INTS6L: variants seen among roughly 807,000 people sequenced by gnomAD.
INTS6L encodes the protein integrator complex subunit 6-like.
INTS6L carries 18 observed loss-of-function variants against 64.7 expected under a neutral mutation model. The ratio of observed to expected loss-of-function variants is 0.28; its 90% confidence interval spans 0.19 to 0.41. The LOEUF is 0.41. INTS6L is among the 10% of genes least tolerant of loss of function. The pLI, the probability that INTS6L is intolerant of heterozygous loss-of-function variation, is 1.00. For missense variants in INTS6L, 533 were observed against 661.0 expected (o/e 0.81, Z 2.12); for synonymous variants, 227 against 235.9 (o/e 0.96, Z 0.34).
intron 15 of INTS6L, among the ~76,000 whole-genome samples, chrX:135,577,876 A>C (rs1353376108): frequency 3.6e-5 from 4 of 111,711 alleles, no homozygotes; most frequent in African/African-American, 1.3e-4. Flanking sequence ...TGCATGCTCT[A>C]ATCCGGTGCA....
chrX:135,531,762 G>T (rs1556505495), intron 2 of INTS6L, among the ~76,000 whole-genome samples: 1 of 111,361 alleles, frequency 9.0e-6, no homozygotes, highest in African/African-American at 3.3e-5. Context: ...TCCACGTGTC[G>T]GTAAAAACTT....
At chrX:135,573,522 C>T (rs958056093) in intron 12 of INTS6L, among the ~76,000 whole-genome samples, 3 of 112,683 alleles carry the variant, frequency 2.7e-5, no homozygotes, top group African/African-American at 9.7e-5. Flanking sequence ...AGTGCTGCAG[C>T]GGATCCCTAT....
In INTS6L at chrX:135,521,051, T is replaced by C; in HGVS notation, c.59T>C (p.Leu20Pro). The part of the protein sequence containing the change: ...TSASMNQRTD[L>P]GTSYLDIAKG... ...GCCTCTATGAACCAGCGCACTGACC[T>C]GGGCACCTCTTATTTGGACATTGCC... Residue 20 changes from leucine to proline, a missense_variant, in exon 1 of 18, where the codon CTG becomes CCG. Coordinates refer to ENST00000639893, the MANE Select transcript of INTS6L (RefSeq NM_001351601.3). The C allele has an allele frequency of 8.3e-7, 1 of 1,211,414 alleles. No homozygotes were observed. The highest frequency in any genetic ancestry group is 1.1e-6 in the Non-Finnish European group (1 of 895,409).
chrX:135,542,224 G>A (rs1016839843), intron 2 of INTS6L, among the ~76,000 whole-genome samples: 2 of 111,814 alleles, frequency 1.8e-5, no homozygotes, highest in Middle Eastern at 4.6e-3. Flanking sequence ...TGGGCCGGGC[G>A]CAGTGGCTCA....
intron 9 of INTS6L, among the ~76,000 whole-genome samples, chrX:135,562,494 T>G (rs934988489): frequency 1.3e-4 from 15 of 112,192 alleles, no homozygotes; most frequent in Middle Eastern, 9.1e-3. Context: ...TGGTAGGATA[T>G]TCTACAAGTG....
chrX:135,531,154 A>G (rs1364244712), intron 2 of INTS6L, among the ~76,000 whole-genome samples: 1 of 112,575 alleles, frequency 8.9e-6, no homozygotes, highest in East Asian at 2.8e-4. Context: ...ACTTGGGCAA[A>G]GTTACTAATA....
At position 135,556,306 on chromosome X, in the gene INTS6L, TA is replaced by T; in HGVS notation, c.1192+10del. On this transcript the variant is annotated splice_region_variant and intron_variant, in intron 9 of 17. Coordinates refer to ENST00000639893, the MANE Select transcript of INTS6L (RefSeq NM_001351601.3). ...AGTTTTACTTCCTCTTTTAGGTAAG[TA>T]AAACATGTGCCACTGAATCATCTTT... 8.7e-7 allele frequency: 1 copy of T among 1,150,238 alleles called. No homozygotes were observed. The highest frequency in any genetic ancestry group is 3.2e-5 in the East Asian group (1 of 31,594). 94.8% of individuals were successfully genotyped at this position (1,150,238 alleles called of 1,213,427 possible).
chrX:135,579,651 G>T, intron 15 of INTS6L, 137 bp from the exon 16 acceptor site: 4 of 866,524 alleles, frequency 4.6e-6, no homozygotes, highest in Non-Finnish European at 6.3e-6. Flanking sequence ...CTCAATTTGA[G>T]GGGTCTCAGA....
Position 135,569,389 on chromosome X carries a change from T to G in INTS6L, c.1245T>G (p.Ala415=). The change falls in exon 10 of 18, where the codon GCT becomes GCG. Residue 415 remains alanine, a synonymous_variant. Transcript: ENST00000639893. ...KLKPNLKWRQ[A]FDSYLKTLPP... is the part of the protein sequence containing the mutation. ...AGCCAAATCTGAAGTGGCGACAGGC[T>G]TTTGACAGCTACTTAAAAACTCTGC... is the stretch of plus-strand genomic sequence containing the variant. The G allele has an allele frequency of 3.4e-6, 4 of 1,193,058 alleles. No homozygotes were observed. The highest frequency in any genetic ancestry group is 4.5e-6 in the Non-Finnish European group (4 of 886,107).
Position 135,546,757 on chromosome X carries a change from T to C in INTS6L, c.485T>C (p.Phe162Ser). 8.3e-7 allele frequency: 1 copy of C among 1,211,568 alleles called. No individual in the cohort carries two copies. The change falls in exon 5 of 18, where the codon TTT becomes TCT. Residue 162 changes from phenylalanine (F) to serine (S), a missense_variant. Phe to Ser is a radical substitution (Grantham distance 155, BLOSUM62 -2). Transcript: ENST00000639893. The stretch of plus-strand genomic sequence containing the variant: ...GGAAGTGAACTAACCAAAGAACCTT[T>C]TCGTTGGGATCAAAGGTTATTTGCC... The part of the protein sequence containing the change: ...LPGSELTKEP[F>S]RWDQRLFALV...
intron 2 of INTS6L, among the ~76,000 whole-genome samples, chrX:135,533,407 CTTTTA>C (rs782482214): frequency 4.5e-5 from 5 of 112,020 alleles, no homozygotes; most frequent in African/African-American, 6.5e-5. Flanking sequence ...TTTTCATTAA[CTTTTA>C]TTTTAAGTTC....
At chrX:135,574,465 C>G (rs1190302315) in intron 13 of INTS6L, among the ~76,000 whole-genome samples, 3 of 111,591 alleles carry the variant, frequency 2.7e-5, no homozygotes, top group Non-Finnish European at 5.6e-5. Context: ...AACACTCAGC[C>G]TACTGTGATA....
chrX:135,553,852 C>T (rs1261450500), intron 8 of INTS6L, among the ~76,000 whole-genome samples: 6 of 111,884 alleles, frequency 5.4e-5, no homozygotes, highest in Non-Finnish European at 1.1e-4. Flanking sequence ...AAAATAACCC[C>T]TCTTTTCTAT....
intron 2 of INTS6L, among the ~76,000 whole-genome samples, chrX:135,529,128 C>G (rs1209731271): frequency 8.9e-6 from 1 of 111,821 alleles, no homozygotes; most frequent in African/African-American, 3.3e-5. Context: ...ATTCAGAATT[C>G]TGTTTATAAT....
chrX:135,555,138 C>T (rs2086615653), intron 8 of INTS6L, among the ~76,000 whole-genome samples: 1 of 110,718 alleles, frequency 9.0e-6, no homozygotes, highest in Non-Finnish European at 1.9e-5. Flanking sequence ...ATCCGCCCGC[C>T]TCGGCCTCCC....
chrX:135,565,608 A>G (rs1214590155), intron 9 of INTS6L, among the ~76,000 whole-genome samples: 5 of 111,632 alleles, frequency 4.5e-5, no homozygotes, highest in African/African-American at 1.6e-4. Flanking sequence ...CTATAACACT[A>G]AGACTCCAAC....
chrX:135,563,230 A>C (rs1430562567), intron 9 of INTS6L, among the ~76,000 whole-genome samples: 1 of 111,227 alleles, frequency 9.0e-6, no homozygotes, highest in Non-Finnish European at 1.9e-5. Context: ...TTTGAGTGGA[A>C]TATAGAAACT....
chrX:135,532,918 T>TA (rs1214241883), intron 2 of INTS6L, among the ~76,000 whole-genome samples: 4 of 107,855 alleles, frequency 3.7e-5, no homozygotes, highest in Admixed American at 9.9e-5. Context: ...AAAAAATAAT[T>TA]AAAAAAAAAT....
intron 8 of INTS6L, 101 bp downstream of exon 8, chrX:135,552,247 C>T (rs2086526637): frequency 1.1e-6 from 1 of 923,693 alleles, no homozygotes; most frequent in Non-Finnish European, 1.4e-6. Flanking sequence ...ATTGGACTGA[C>T]TGTGCTAATG....
Sources: gnomAD v4.1 joint callset for allele counts (sites outside exome capture counted in the v4.1 genomes callset) on GRCh38, gnomAD v4.1.1 for gene constraint, MANE v1.5 for transcripts, NCBI Gene and HGNC (gene_info 2026-07-23, HGNC 2026-07-21) for gene names.